The following LRBA variants were observed in gnomAD, a reference collection of about 807,000 sequenced individuals.
LRBA encodes the protein lipopolysaccharide-responsive and beige-like anchor protein.
Under a neutral mutation model 330.0 loss-of-function variants are expected in LRBA, and 176 were observed. The observed-to-expected ratio is 0.53, with a 90% CI of 0.47 to 0.60. LRBA has a LOEUF of 0.60. Among genes scored for constraint, LRBA ranks in the 20% least tolerant of loss-of-function variants. The pLI, the probability that LRBA is intolerant of heterozygous loss-of-function variation, is 0.00. For missense variants in LRBA, 3,259 were observed against 3,444.8 expected, an observed-to-expected ratio of 0.95 and a Z score of 1.35; for synonymous variants, 1,230 against 1,193.0, an observed-to-expected ratio of 1.03 and a Z score of -0.64.
At chr4:150,767,629 G>A (rs1053158612) in intron 34 of LRBA, among the ~76,000 whole-genome samples, 2 of 151,268 alleles carry the variant, frequency 1.3e-5, no homozygotes, top group Non-Finnish European at 2.9e-5. Context: ...ATGGTGGCGG[G>A]TGCCTGTAGT....
intron 48 of LRBA, among the ~76,000 whole-genome samples, chr4:150,338,093 GATT>G (rs1734980911): frequency 6.6e-6 from 1 of 152,122 alleles, no homozygotes; most frequent in Admixed American, 6.6e-5. Flanking sequence ...ACCTCAGAGT[GATT>G]ACGCATAGCT....
intron 31 of LRBA, among the ~76,000 whole-genome samples, chr4:150,814,871 A>T (rs72961843): frequency 0.032 from 4,934 of 152,120 alleles, 222 homozygotes; most frequent in African/African-American, 0.11. Context: ...AGTTTTTCAA[A>T]GTGAATATTT....
rs1581066590 is a variant in LRBA at position 150,343,872 on chromosome 4, G to A, written c.7362+6120C>T. On this transcript the variant is annotated intron_variant, in intron 48 of 56. Coordinates refer to ENST00000651943, the MANE Select transcript of LRBA (RefSeq NM_001364905.1). ...AAGTATAAATATTATCTCATCCTTA[G>A]CACAAACCCTCATAAACAGAATCTT... Among the ~76,000 whole-genome samples the A allele has an allele frequency of 2.0e-5, 3 of 152,108 alleles. No homozygotes were observed. The East Asian group carries it at 5.8e-4, about 29-fold the overall frequency.
intron 53 of LRBA, among the ~76,000 whole-genome samples, chr4:150,291,046 G>A (rs1475639045): frequency 6.7e-6 from 1 of 149,798 alleles, no homozygotes; most frequent in Non-Finnish European, 1.5e-5. Flanking sequence ...ATGCTGGTGC[G>A]CTGCACCCAC....
chr4:150,827,487 TTCC>T (rs1245074500), intron 30 of LRBA, among the ~76,000 whole-genome samples: 10 of 152,192 alleles, frequency 6.6e-5, no homozygotes, highest in Non-Finnish European at 1.5e-4. Context: ...ACCTCTTCTC[TTCC>T]TCCTCCTCAG....
At chr4:150,705,238 A>C (rs1785505414) in intron 36 of LRBA, among the ~76,000 whole-genome samples, 1 of 152,142 alleles carries the variant, frequency 6.6e-6, no homozygotes, top group Non-Finnish European at 1.5e-5. Flanking sequence ...TTATTAATAA[A>C]GCTAATGAAA....
chr4:150,750,726 C>A (rs1245503175), intron 35 of LRBA, among the ~76,000 whole-genome samples: 3 of 151,890 alleles, frequency 2.0e-5, no homozygotes. Flanking sequence ...AACTACAATG[C>A]CCAGGTTATT....
At chr4:150,714,526 T>A (rs2127052088) in intron 36 of LRBA, among the ~76,000 whole-genome samples, 1 of 152,188 alleles carries the variant, frequency 6.6e-6, no homozygotes, top group South Asian at 2.1e-4. Context: ...AACTAAAATT[T>A]TATATCCTAA....
At chr4:150,614,342 T>C (rs1460416231) in intron 37 of LRBA, among the ~76,000 whole-genome samples, 1 of 152,134 alleles carries the variant, frequency 6.6e-6, no homozygotes, top group Non-Finnish European at 1.5e-5. Context: ...AATAGAAAAT[T>C]AGACTATAGG....
intron 40 of LRBA, chr4:150,582,845 A>T: frequency 1.8e-6 from 1 of 563,794 alleles, no homozygotes; most frequent in Non-Finnish European, 2.9e-6. Context: ...AAAGAGGGAA[A>T]AGGAAAAAAC....
chr4:150,690,988 G>A (rs1457183533), intron 36 of LRBA, among the ~76,000 whole-genome samples: 1 of 148,720 alleles, frequency 6.7e-6, no homozygotes, highest in African/African-American at 2.5e-5. Context: ...GGAGTGCAGT[G>A]GCTCAATCTC....
chr4:150,520,921 T>C (rs1762860115), intron 40 of LRBA, among the ~76,000 whole-genome samples: 2 of 152,224 alleles, frequency 1.3e-5, no homozygotes, highest in African/African-American at 4.8e-5. Context: ...TATTGTGTTT[T>C]AGCTATGTAT....
chr4:150,422,991 A>C, intron 46 of LRBA: 1 of 782,408 alleles, frequency 1.3e-6, no homozygotes, highest in Non-Finnish European at 2.4e-6. Context: ...CCAATGGTGT[A>C]TAAGTGACAG....
At chr4:150,520,770 C>T (rs1762841584) in intron 40 of LRBA, among the ~76,000 whole-genome samples, 2 of 152,128 alleles carry the variant, frequency 1.3e-5, no homozygotes, top group African/African-American at 4.8e-5. Context: ...GAACAAGAGA[C>T]ACTGGGGCCT....
chr4:150,458,784 GT>G (rs200385223), intron 44 of LRBA, among the ~76,000 whole-genome samples: 28,220 of 144,856 alleles, frequency 0.19, 2,650 homozygotes, highest in African/African-American at 0.22. Context: ...ATTTATTCTA[GT>G]TTTTTTTTTT....
chr4:150,422,884 G>T, intron 46 of LRBA: 1 of 974,262 alleles, frequency 1.0e-6, no homozygotes, highest in Non-Finnish European at 1.7e-6. Context: ...TAACATGGAG[G>T]CACTCAGGAC....
rs945093752 is a variant in LRBA, at chr4:150,909,019, A to G, written c.1162-162T>C. 2.0e-5 allele frequency among the ~76,000 whole-genome samples: 3 copies of G among 152,232 alleles called. No homozygotes were observed. The East Asian group carries it at 5.8e-4, about 29-fold the overall frequency. On this transcript the variant is annotated intron_variant, in intron 9 of 56. Transcript: ENST00000651943. ...CTTCTAAAATTGGCTGAATTTAAAG[A>G]TATAATGGAAATCAAGTCAACTTGA...
At chr4:150,537,504 C>T (rs1273955400) in intron 40 of LRBA, among the ~76,000 whole-genome samples, 1 of 152,166 alleles carries the variant, frequency 6.6e-6, no homozygotes, top group African/African-American at 2.4e-5. Context: ...AAATAAAGAG[C>T]TTCTGCACAC....
intron 28 of LRBA, among the ~76,000 whole-genome samples, chr4:150,841,735 C>T (rs1189022267): frequency 1.3e-5 from 2 of 152,072 alleles, no homozygotes; most frequent in Non-Finnish European, 2.9e-5. Flanking sequence ...TCACTGCAAG[C>T]TCCGCCTCCC....
Sources: allele counts gnomAD v4.1 joint callset (sites outside exome capture counted in the v4.1 genomes callset), GRCh38; gene constraint gnomAD v4.1.1; transcripts MANE v1.5; gene names NCBI Gene and HGNC (gene_info 2026-07-23, HGNC 2026-07-21).